Variants in CELF1 observed in about 807,000 individuals in gnomAD.
The protein encoded by CELF1 is 50 kDa nuclear polyadenylated RNA-binding protein.
In CELF1, 10 loss-of-function variants were observed where a neutral mutation model predicts 61.8. That is an observed-to-expected ratio of 0.16 (90% CI 0.10 to 0.27). The LOEUF (loss-of-function observed/expected upper bound fraction) is 0.27. CELF1 is among the 10% of genes least tolerant of loss of function. The pLI is 1.00. For missense variants in CELF1, 380 were observed against 639.1 expected, an observed-to-expected ratio of 0.59 and a Z score of 4.37; for synonymous variants, 236 against 225.1, an observed-to-expected ratio of 1.05 and a Z score of -0.43.
chr11:47,517,885 C>CT (rs2095646240), intron 1 of CELF1, among the ~76,000 whole-genome samples: 1 of 152,212 alleles, frequency 6.6e-6, no homozygotes, highest in Non-Finnish European at 1.5e-5. Flanking sequence ...AACTCCTGAC[C>CT]TTAGGTGATC....
chr11:47,516,513 T>A (rs2095560832), intron 1 of CELF1, among the ~76,000 whole-genome samples: 1 of 152,160 alleles, frequency 6.6e-6, no homozygotes, highest in South Asian at 2.1e-4. Context: ...GTATTGCAGA[T>A]CCTATGTTTA....
At chr11:47,489,289 GCATGAGAATTAC>G (rs2089657628) in intron 3 of CELF1, among the ~76,000 whole-genome samples, 1 of 151,978 alleles carries the variant, frequency 6.6e-6, no homozygotes, top group East Asian at 1.9e-4. Context: ...TTCTTATCTA[GCATGAGAATTAC>G]CATGCTAGAG....
intron 1 of CELF1, among the ~76,000 whole-genome samples, chr11:47,545,905 G>GTA (rs1233875512): frequency 0.028 from 3,051 of 109,024 alleles, 50 homozygotes; most frequent in Middle Eastern, 0.045. Flanking sequence ...GTGTGTGTGT[G>GTA]TATATATATA....
chr11:47,515,018 A>G (rs1297678256), intron 1 of CELF1: 1 of 152,194 alleles, frequency 6.6e-6, no homozygotes, highest in Non-Finnish European at 1.5e-5. Context: ...AATTCTTTCT[A>G]TAGTTCCTGT....
chr11:47,509,044 T>G (rs568094602), intron 1 of CELF1, among the ~76,000 whole-genome samples: 10 of 152,302 alleles, frequency 6.6e-5, no homozygotes, highest in African/African-American at 2.4e-4. Context: ...GCTGGGATTA[T>G]AGGGGGTGAG....
chr11:47,541,502 C>T lies in CELF1; in HGVS notation c.-154+11490G>A, dbSNP rs2096772621. Among the ~76,000 whole-genome samples, 3 of 151,646 alleles carry T rather than the reference C, an allele frequency of 2.0e-5. No individual in the cohort carries two copies. The South Asian group carries it at 6.3e-4, about 32-fold the overall frequency. On this transcript the variant is annotated intron_variant, in intron 1 of 14. Coordinates refer to ENST00000687097, the MANE Select transcript of CELF1 (RefSeq NM_001376376.1). ...GGTCAGGAGTTTGAGACCAGCCTGG[C>T]CAACATGGTGAAACCCCGTCTCTAC... is the stretch of plus-strand genomic sequence containing the variant.
At chr11:47,511,992 G>A (rs777361144) in intron 1 of CELF1, among the ~76,000 whole-genome samples, 8 of 152,002 alleles carry the variant, frequency 5.3e-5, no homozygotes, top group African/African-American at 1.9e-4. Flanking sequence ...AGGACTACAG[G>A]CACAAGCCAT....
chr11:47,562,236 A>AC (rs1315290724), intron 2 of CELF1, among the ~76,000 whole-genome samples: 5 of 150,856 alleles, frequency 3.3e-5, no homozygotes, highest in Non-Finnish European at 7.4e-5. Context: ...CAAAAAAAAA[A>AC]AAAAAAAAGT....
intron 4 of CELF1, among the ~76,000 whole-genome samples, chr11:47,487,832 G>A (rs1393141444): frequency 6.6e-6 from 1 of 152,196 alleles, no homozygotes; most frequent in Non-Finnish European, 1.5e-5. Flanking sequence ...CCTCAGATCT[G>A]TAGATTTTGT....
At chr11:47,478,403 GC>G (rs2081236018) in intron 10 of CELF1, among the ~76,000 whole-genome samples, 1 of 152,160 alleles carries the variant, frequency 6.6e-6, no homozygotes, top group Non-Finnish European at 1.5e-5. Context: ...TACGATAATA[GC>G]AACAACAAAA....
intron 6 of CELF1, among the ~76,000 whole-genome samples, chr11:47,485,167 C>A (rs576946236): frequency 2.0e-5 from 3 of 152,300 alleles, no homozygotes; most frequent in Non-Finnish European, 4.4e-5. Context: ...TACTTGGCAT[C>A]TTCCCTAGTC....
At chr11:47,533,620 T>C (rs2096545510) in intron 1 of CELF1, among the ~76,000 whole-genome samples, 4 of 98,564 alleles carry the variant, frequency 4.1e-5, no homozygotes, top group Non-Finnish European at 6.4e-5. Flanking sequence ...GAGACTCCAT[T>C]TCAAAAAATA....
chr11:47,548,229 A>G (rs1250765946), intron 1 of CELF1, among the ~76,000 whole-genome samples: 1 of 152,014 alleles, frequency 6.6e-6, no homozygotes, highest in Non-Finnish European at 1.5e-5. Context: ...AACCAGGGCG[A>G]CAGAGATTGC....
intron 1 of CELF1, among the ~76,000 whole-genome samples, chr11:47,509,797 T>C (rs1203603202): frequency 1.3e-5 from 2 of 149,294 alleles, no homozygotes; most frequent in Non-Finnish European, 3.0e-5. Flanking sequence ...GAGGCTGAGG[T>C]GGGCGGGTCA....
chr11:47,496,415 G>A (rs2093100005), intron 3 of CELF1, among the ~76,000 whole-genome samples: 1 of 152,136 alleles, frequency 6.6e-6, no homozygotes, highest in South Asian at 2.1e-4. Flanking sequence ...CTTTTGCTAT[G>A]GTGCCAGATA....
At chr11:47,561,776 A>C (rs144748085) in intron 2 of CELF1, among the ~76,000 whole-genome samples, 1 of 152,324 alleles carries the variant, frequency 6.6e-6, no homozygotes, top group Non-Finnish European at 1.5e-5. Context: ...AAATGTTCAT[A>C]AACTGATAAA....
chr11:47,551,862 A>G (rs1243121691), intron 1 of CELF1, among the ~76,000 whole-genome samples: 1 of 152,176 alleles, frequency 6.6e-6, no homozygotes, highest in Non-Finnish European at 1.5e-5. Context: ...TACTAAAAAT[A>G]CGAAAATTAG....
chr11:47,487,831 T>C (rs1435238274), intron 4 of CELF1, among the ~76,000 whole-genome samples: 1 of 152,234 alleles, frequency 6.6e-6, no homozygotes, highest in Non-Finnish European at 1.5e-5. Context: ...GCCTCAGATC[T>C]GTAGATTTTG....
At position 47,565,419 on chromosome 11, in the gene CELF1, C is replaced by T. The variant is rs538214222; in HGVS notation, c.-275G>A. On this transcript the variant is annotated 5_prime_UTR_variant, in exon 1 of 4. Transcript: ENST00000525841. ...GGTCCCAGTTTCCCGCCCAGGAAACCTCGGTCCCTCCTCCGAGGCCGCCGG... is the reference window on the plus strand; with the variant it reads ...GGTCCCAGTTTCCCGCCCAGGAAACTTCGGTCCCTCCTCCGAGGCCGCCGG... 1.2e-4 allele frequency: 43 copies of T among 360,916 alleles called. No homozygotes were observed. In the South Asian group the frequency reaches 4.7e-3, roughly 40 times the overall value. The allele number at this position is 360,916 out of a possible 1,614,324, so 22.4% of individuals were successfully genotyped here. A position where few individuals can be genotyped will look rare whatever the true frequency, so the allele number is the denominator to read the frequency against.
Sources: allele counts gnomAD v4.1 joint callset (sites outside exome capture counted in the v4.1 genomes callset), GRCh38; gene constraint gnomAD v4.1.1; transcripts MANE v1.5; gene names NCBI Gene and HGNC (gene_info 2026-07-23, HGNC 2026-07-21).